Variants in ZNF649 observed in about 807,000 individuals in gnomAD.
The protein encoded by ZNF649 is zinc finger protein 649.
A neutral mutation model predicts 14.1 loss-of-function variants in ZNF649; 7 were observed. The ratio of observed to expected loss-of-function variants is 0.49; its 90% confidence interval spans 0.28 to 0.93. The LOEUF is 0.93. ZNF649 is among the 40% of genes least tolerant of loss of function. The probability of loss-of-function intolerance (pLI) is 0.10; values close to 1 mark genes in which losing one functional copy is unlikely to be tolerated. For missense variants in ZNF649, 544 were observed against 608.1 expected, an observed-to-expected ratio of 0.89 and a Z score of 1.11; for synonymous variants, 227 against 212.3, an observed-to-expected ratio of 1.07 and a Z score of -0.60.
chr19:51,897,907 A>T (rs138423230), intron 2 of ZNF649, among the ~76,000 whole-genome samples: 10 of 152,144 alleles, frequency 6.6e-5, no homozygotes, highest in Admixed American at 1.3e-4. Flanking sequence ...GGATCACCCG[A>T]GGTCAGGAGT....
At chr19:51,902,306 T>C (rs953274228) in intron 1 of ZNF649, among the ~76,000 whole-genome samples, 1 of 152,218 alleles carries the variant, frequency 6.6e-6, no homozygotes, top group Non-Finnish European at 1.5e-5. Context: ...TATCTAGATA[T>C]AGTGTCAGAC....
At chr19:51,892,851 G>T (rs946188256) in intron 4 of ZNF649, among the ~76,000 whole-genome samples, 1 of 152,180 alleles carries the variant, frequency 6.6e-6, no homozygotes, top group Non-Finnish European at 1.5e-5. Flanking sequence ...GGACATACAG[G>T]TAAGGGTTAA....
At position 51,890,643 on chromosome 19, in the gene ZNF649, T is replaced by C; in HGVS notation, c.1493A>G (p.Glu498Gly). The change falls in exon 5 of 5, where the codon GAG becomes GGG. Residue 498 changes from glutamate to glycine, a missense_variant. Physicochemically the swap from Glu to Gly is moderately conservative, Grantham distance 98. Transcript: ENST00000354957. Reference sequence around the variant, plus strand: ...TCATGAATGCAGGATGTGGGCAAACTCACACTGCCCTGCCACCATTGCCAC... The same window carrying C: ...TCATGAATGCAGGATGTGGGCAAACCCACACTGCCCTGCCACCATTGCCAC... ...VTVAMVAGQC[E>G]FAHILHS 1 of 1,613,074 alleles carries C rather than the reference T, an allele frequency of 6.2e-7. No individual in the cohort carries two copies. The highest frequency in any genetic ancestry group is 8.5e-7 in the Non-Finnish European group (1 of 1,179,370).
At chr19:51,901,846 G>A (rs558791061) in intron 1 of ZNF649, among the ~76,000 whole-genome samples, 201 of 151,514 alleles carry the variant, frequency 1.3e-3, no homozygotes, top group Non-Finnish European at 2.6e-3. Flanking sequence ...AGATGGCTGC[G>A]GCAGGAGGAC....
chr19:51,890,989 AG>A lies in ZNF649; in HGVS notation c.1146del (p.Cys383ValfsTer79). 6.2e-7 allele frequency: 1 copy of A among 1,614,076 alleles called. No homozygotes were observed. The highest frequency in any genetic ancestry group is 8.5e-7 in the Non-Finnish European group (1 of 1,179,990). On this transcript the variant is annotated frameshift_variant, in exon 5 of 5. Coordinates refer to ENST00000354957, the MANE Select transcript of ZNF649 (RefSeq NM_023074.4). LOFTEE classifies it low-confidence loss of function (END_TRUNC). Reference sequence around the variant, plus strand: ...CTAATGAGTCCTGACTTCTGTGAACAGGGTTGCCCACATTCAGGACATACAA... The same window carrying A: ...CTAATGAGTCCTGACTTCTGTGAACAGGTTGCCCACATTCAGGACATACAA... ...TPFVCPECGQ[P>X]CSQKSGLIRH...
At chr19:51,901,553 G>A (rs1228031045) in intron 1 of ZNF649, among the ~76,000 whole-genome samples, 1 of 152,184 alleles carries the variant, frequency 6.6e-6, no homozygotes, top group Non-Finnish European at 1.5e-5. Context: ...GCTGAGGTGG[G>A]AGGATCGCTT....
intron 1 of ZNF649, among the ~76,000 whole-genome samples, chr19:51,900,828 A>G (rs2085090184): frequency 6.6e-6 from 1 of 152,182 alleles, no homozygotes; most frequent in African/African-American, 2.4e-5. Flanking sequence ...AGAGTCTGTT[A>G]GAAAAGGGGA....
chr19:51,891,137 G>A lies in ZNF649; in HGVS notation c.999C>T (p.Leu333=), dbSNP rs199637703. 236 of 1,614,154 alleles carry A rather than the reference G, an allele frequency of 1.5e-4. No individual in the cohort carries two copies. Among genetic ancestry groups the A allele is most frequent in the Non-Finnish European group, 1.2e-4 (138 of 1,180,012 alleles). Residue 333 remains leucine (L), a synonymous_variant, in exon 5 of 5, where the codon CTC becomes CTT. Transcript: ENST00000354957. The surrounding 1 kb of genome is among the most constrained non-coding windows in gnomAD (Gnocchi z 4.2). ...CAGTGTGAGTTCGTTGATGTATGTT[G>A]AGATTGCCCTTCTGAATGAAGCCTT... is the stretch of plus-strand genomic sequence containing the variant. ...CGKGFIQKGN[L]NIHQRTHTGE... is the part of the protein sequence containing the mutation.
At chr19:51,893,228 C>T (rs1287405417) in intron 4 of ZNF649, among the ~76,000 whole-genome samples, 2 of 152,154 alleles carry the variant, frequency 1.3e-5, no homozygotes, top group Non-Finnish European at 1.5e-5. Context: ...GTTAAAACTC[C>T]ACTCCAAAAT....
At chr19:51,904,715 G>A (rs963868667) in intron 1 of ZNF649, among the ~76,000 whole-genome samples, 199 bp downstream of exon 1, 3 of 152,062 alleles carry the variant, frequency 2.0e-5, no homozygotes, top group Admixed American at 6.5e-5. Flanking sequence ...GACCCTCAGA[G>A]ACCCCAAACT....
intron 4 of ZNF649, among the ~76,000 whole-genome samples, chr19:51,895,584 C>T (rs1319491711): frequency 5.3e-5 from 8 of 151,878 alleles, no homozygotes; most frequent in East Asian, 1.9e-4. Context: ...CTTTGTGATC[C>T]GCCCGCCTCA....
chr19:51,903,688 G>A (rs1022543151), intron 1 of ZNF649, among the ~76,000 whole-genome samples: 2 of 152,134 alleles, frequency 1.3e-5, no homozygotes, highest in Non-Finnish European at 1.5e-5. Context: ...GCGTGGTGGC[G>A]GGCGCCTGTA....
At chr19:51,897,750 T>G (rs1197696115) in intron 2 of ZNF649, among the ~76,000 whole-genome samples, 1 of 152,038 alleles carries the variant, frequency 6.6e-6, no homozygotes, top group African/African-American at 2.4e-5. Context: ...ACTAGGGAAT[T>G]AGGAAAAAAA....
chr19:51,896,846 C>T lies in ZNF649; in HGVS notation c.142+6G>A. 1.9e-6 allele frequency: 3 copies of T among 1,614,124 alleles called. No individual in the cohort carries two copies. The highest frequency in any genetic ancestry group is 2.5e-6 in the Non-Finnish European group (3 of 1,180,028). Reference sequence around the variant, plus strand: ...CCTCTGAGTGACACAGGGCAGCTGTCCTCACCCACTGACACAAGGTTGCTG... The same window carrying T: ...CCTCTGAGTGACACAGGGCAGCTGTTCTCACCCACTGACACAAGGTTGCTG... On this transcript the variant is annotated splice_donor_region_variant and intron_variant, in intron 3 of 4. Coordinates refer to ENST00000354957, the MANE Select transcript of ZNF649 (RefSeq NM_023074.4).
In ZNF649 at chr19:51,891,999, T is replaced by A. The variant is rs2085026631; in HGVS notation, c.239-102A>T. On this transcript the variant is annotated intron_variant, in intron 4 of 4. Transcript: ENST00000354957. This position sits in a 1 kb window ranked among gnomAD's most constrained non-coding sequence, Gnocchi z 4.2. Reference sequence around the variant, plus strand: ...TGGCTTTTTACTGGAACCCCTATAATACCAACATGGAAGGAATTCCAAGTA... The same window carrying A: ...TGGCTTTTTACTGGAACCCCTATAAAACCAACATGGAAGGAATTCCAAGTA... 7.6e-7 allele frequency: 1 copy of A among 1,307,526 alleles called. No individual in the cohort carries two copies. The highest frequency in any genetic ancestry group is 1.5e-5 in the African/African-American group (1 of 67,264). 81.0% of individuals were successfully genotyped at this position (1,307,526 alleles called of 1,614,324 possible).
intron 1 of ZNF649, among the ~76,000 whole-genome samples, chr19:51,901,455 C>T (rs1160119110): frequency 6.6e-6 from 1 of 152,046 alleles, no homozygotes; most frequent in Non-Finnish European, 1.5e-5. Flanking sequence ...CATGAGGGCT[C>T]CTCCCTTGTG....
intron 2 of ZNF649, among the ~76,000 whole-genome samples, chr19:51,898,640 C>T (rs993689356): frequency 2.6e-5 from 4 of 151,826 alleles, no homozygotes; most frequent in Admixed American, 6.6e-5. Flanking sequence ...TGGCTGGGTG[C>T]GGTGGCTCAC....
At position 51,896,859 on chromosome 19, in the gene ZNF649, C is replaced by T; in HGVS notation, c.135G>A (p.Val45=). The T allele has an allele frequency of 6.2e-6, 10 of 1,614,126 alleles. No homozygotes were observed. Among genetic ancestry groups the T allele is most frequent in the Non-Finnish European group, 8.5e-6 (10 of 1,180,010 alleles). The change falls in exon 3 of 5, where the codon GTG becomes GTA. Residue 45 remains valine, a synonymous_variant. Transcript: ENST00000354957. The part of the protein sequence containing the change: ...DVMLENYSNL[V]SVGYQAGKPD... ...CAGGGCAGCTGTCCTCACCCACTGACACAAGGTTGCTGTAGTTCTCCAACA... is the reference window on the plus strand; with the variant it reads ...CAGGGCAGCTGTCCTCACCCACTGATACAAGGTTGCTGTAGTTCTCCAACA...
rs927428889 is a variant in ZNF649, at chr19:51,894,657, T to C, written c.238+1815A>G. On this transcript the variant is annotated intron_variant, in intron 4 of 4. Transcript: ENST00000354957. ...TATTCACTTTAACTTTGTATAGCCC[T>C]GAATTGTAACAAAAACATTTCACAC... 2.0e-5 allele frequency among the ~76,000 whole-genome samples: 3 copies of C among 152,258 alleles called. No individual in the cohort carries two copies. The South Asian group carries it at 6.2e-4, about 32-fold the overall frequency.
Sources: gnomAD v4.1 joint callset for allele counts (sites outside exome capture counted in the v4.1 genomes callset) on GRCh38, gnomAD v4.1.1 for gene constraint, Gnocchi (gnomAD v3.1) non-coding constraint, MANE v1.5 for transcripts, NCBI Gene and HGNC (gene_info 2026-07-23, HGNC 2026-07-21) for gene names.